Variants in HTT observed in about 807,000 individuals in gnomAD.
HTT encodes the protein huntington disease protein.
HTT carries 104 observed loss-of-function variants against 362.3 expected under a neutral mutation model. The observed-to-expected ratio is 0.29, with a 90% CI of 0.24 to 0.34. The LOEUF (loss-of-function observed/expected upper bound fraction) is 0.34, where lower values mean the gene tolerates loss of function less well. Among genes scored for constraint, HTT ranks in the 10% least tolerant of loss-of-function variants. HTT has a pLI of 1.00. For missense variants in HTT, 3,301 were observed against 3,928.6 expected (o/e 0.84, Z 4.27); for synonymous variants, 1,577 against 1,548.7 (o/e 1.02, Z -0.43).
Position 3,208,869 on chromosome 4 carries a change from C to T in HTT, c.6249C>T (p.Asp2083=), listed in dbSNP as rs758938678. The T allele has an allele frequency of 1.7e-5, 28 of 1,613,866 alleles. No homozygotes were observed. The highest frequency in any genetic ancestry group is 4.4e-5 in the South Asian group (4 of 91,064). ...PSPPVSSHPL[D]GDGHVSLETV... is the part of the protein sequence containing the mutation. ...CTCCAGTCTCTTCCCACCCGCTGGA[C>T]GGGGATGGGCACGTGTCACTGGAAA... Residue 2083 remains aspartate (D), a synonymous_variant, in exon 46 of 67, where the codon GAC becomes GAT. Coordinates refer to ENST00000355072, the MANE Select transcript of HTT (RefSeq NM_001388492.1).
intron 60 of HTT, among the ~76,000 whole-genome samples, chr4:3,232,894 G>A (rs959111376): frequency 2.0e-5 from 3 of 152,232 alleles, no homozygotes; most frequent in South Asian, 2.1e-4. Flanking sequence ...CTGGACTCCC[G>A]GAGGGAAGGC....
At position 3,121,400 on chromosome 4, in the gene HTT, G is replaced by A. The variant is rs754376057; in HGVS notation, c.1241G>A (p.Arg414Gln). The change falls in exon 9 of 67, where the codon CGA becomes CAA. Residue 414 changes from arginine to glutamine, a missense_variant. Physicochemically the swap from Arg to Gln is conservative, Grantham distance 43. Transcript: ENST00000355072. ...LTAAKEESGG[R>Q]SRSGSIVELI... ...GCTGCTAAGGAGGAGTCTGGTGGCC[G>A]AAGCCGTAGTGGGAGTATTGTGGAA... The A allele has an allele frequency of 6.8e-6, 11 of 1,614,078 alleles. No individual in the cohort carries two copies. The highest frequency in any genetic ancestry group is 3.3e-5 in the South Asian group (3 of 91,078).
intron 29 of HTT, among the ~76,000 whole-genome samples, chr4:3,166,651 A>T (rs1373129498): frequency 6.6e-6 from 1 of 152,020 alleles, no homozygotes; most frequent in East Asian, 1.9e-4. Context: ...AGTGGTGGAC[A>T]CCCCTCCCCC....
At chr4:3,212,927 G>T in intron 49 of HTT, 1 of 551,334 alleles carries the variant, frequency 1.8e-6, no homozygotes. Flanking sequence ...GGTCAGCCAG[G>T]TCCCCTTCTC....
intron 16 of HTT, 61 bp downstream of exon 16, chr4:3,131,836 A>C: frequency 6.6e-7 from 1 of 1,506,416 alleles, no homozygotes; most frequent in Non-Finnish European, 9.1e-7. Context: ...AAACTATTTC[A>C]GTATTGACTA....
chr4:3,171,983 G>A (rs1718002854), intron 29 of HTT, among the ~76,000 whole-genome samples: 1 of 152,158 alleles, frequency 6.6e-6, no homozygotes, highest in South Asian at 2.1e-4. Flanking sequence ...CTCTACAGAT[G>A]CAGGGCTCTT....
chr4:3,221,723 C>T (rs1282313728), intron 53 of HTT, among the ~76,000 whole-genome samples: 1 of 152,200 alleles, frequency 6.6e-6, no homozygotes, highest in Non-Finnish European at 1.5e-5. Context: ...CTGTCAGAAA[C>T]AACTGTTCGT....
chr4:3,170,282 T>G (rs561773554), intron 29 of HTT, among the ~76,000 whole-genome samples: 1 of 152,360 alleles, frequency 6.6e-6, no homozygotes, highest in Non-Finnish European at 1.5e-5. Context: ...GGAGCAGTGC[T>G]TAGTTTAGGA....
chr4:3,214,666 T>G (rs1330661555), intron 50 of HTT, among the ~76,000 whole-genome samples: 2 of 152,114 alleles, frequency 1.3e-5, no homozygotes, highest in Non-Finnish European at 2.9e-5. Context: ...TTTGAAGCTT[T>G]GTATTTTTAA....
intron 2 of HTT, among the ~76,000 whole-genome samples, chr4:3,095,043 C>G (rs1216606645): frequency 6.6e-6 from 1 of 150,840 alleles, no homozygotes; most frequent in Non-Finnish European, 1.5e-5. Flanking sequence ...ACTTCCCAGA[C>G]TGGGCAGCCA....
intron 39 of HTT, 40 bp from the exon 40 acceptor site, chr4:3,188,911 A>G: frequency 3.1e-6 from 5 of 1,598,678 alleles, no homozygotes; most frequent in Non-Finnish European, 4.3e-6. Context: ...GCTTTATAGT[A>G]GTCACCTAAT....
intron 49 of HTT, 152 bp from the exon 50 acceptor site, chr4:3,213,806 G>A (rs1181315851): frequency 1.1e-5 from 6 of 556,996 alleles, no homozygotes; most frequent in Non-Finnish European, 1.5e-5. Flanking sequence ...TGAATGTAAT[G>A]GAGCCATGTC....
Position 3,235,373 on chromosome 4 carries a change from C to T in HTT, c.8546C>T (p.Pro2849Leu), listed in dbSNP as rs144891713. ...LIENYPLDVGPEFSASIIQMC... is the reference protein window; with the variant it reads ...LIENYPLDVGLEFSASIIQMC... Reference sequence around the variant, plus strand: ...GAGAACTATCCTCTGGACGTAGGGCCGGAATTTTCAGCATCAATAATACAG... The same window carrying T: ...GAGAACTATCCTCTGGACGTAGGGCTGGAATTTTCAGCATCAATAATACAG... Residue 2849 changes from proline (P) to leucine (L), a missense_variant, in exon 62 of 67, where the codon CCG becomes CTG. Physicochemically the swap from Pro to Leu is moderately conservative, Grantham distance 98 (BLOSUM62 -3). Coordinates refer to ENST00000355072, the MANE Select transcript of HTT (RefSeq NM_001388492.1). 136 of 1,612,734 alleles carry T rather than the reference C, an allele frequency of 8.4e-5. No homozygotes were observed. Among genetic ancestry groups the T allele is most frequent in the Non-Finnish European group, 1.1e-4 (129 of 1,178,710 alleles).
rs770543485 is a variant in HTT at position 3,235,681 on chromosome 4, A to G, written c.8688A>G (p.Ala2896=). 6.2e-7 allele frequency: 1 copy of G among 1,613,674 alleles called. No individual in the cohort carries two copies. The highest frequency in any genetic ancestry group is 8.5e-7 in the Non-Finnish European group (1 of 1,180,032). The part of the protein sequence containing the change: ...LLSEQLSRLD[A]ESLVKLSVDR... ...CTGAGCAGCTCTCCCGCCTGGATGC[A>G]GAATCGCTGGTCAAGCTGAGTGTGG... is the stretch of plus-strand genomic sequence containing the variant. Residue 2896 remains alanine, a synonymous_variant, in exon 63 of 67, where the codon GCA becomes GCG. Transcript: ENST00000355072.
At chr4:3,182,296 G>A (rs1258222717) in intron 36 of HTT, 58 bp from the exon 37 acceptor site, 7 of 1,046,990 alleles carry the variant, frequency 6.7e-6, no homozygotes, top group Non-Finnish European at 1.0e-5. Context: ...AGACGGACAC[G>A]TAGGGGTGGA....
chr4:3,174,212 G>A (rs1173073043), intron 31 of HTT, among the ~76,000 whole-genome samples: 1 of 152,178 alleles, frequency 6.6e-6, no homozygotes, highest in African/African-American at 2.4e-5. Context: ...ATATATTGGA[G>A]TTTCAGGAGT....
chr4:3,158,899 T>G (rs1411968073), intron 28 of HTT, among the ~76,000 whole-genome samples: 1 of 152,066 alleles, frequency 6.6e-6, no homozygotes. Flanking sequence ...TCCTAGTGCT[T>G]GCTATCTGTT....
At position 3,130,062 on chromosome 4, in the gene HTT, G is replaced by C. The variant is rs746059906; in HGVS notation, c.1867+15G>C. 11 of 1,581,756 alleles carry C rather than the reference G, an allele frequency of 7.0e-6. No homozygotes were observed. The highest frequency in any genetic ancestry group is 9.4e-6 in the Non-Finnish European group (11 of 1,167,182). ...CTCTTCCATGGGTATGTGGACTACAGGTGATGCGCTACAAAGTGGTTTGTA... is the reference window on the plus strand; with the variant it reads ...CTCTTCCATGGGTATGTGGACTACACGTGATGCGCTACAAAGTGGTTTGTA... On this transcript the variant is annotated intron_variant, in intron 13 of 66. Coordinates refer to ENST00000355072, the MANE Select transcript of HTT (RefSeq NM_001388492.1).
intron 18 of HTT, 71 bp downstream of exon 18, chr4:3,132,982 G>T: frequency 3.6e-6 from 4 of 1,120,766 alleles, no homozygotes; most frequent in Non-Finnish European, 5.5e-6. Context: ...ATTAAAATTG[G>T]AGCTTAATAG....
Sources: gnomAD v4.1 joint callset for allele counts (sites outside exome capture counted in the v4.1 genomes callset) on GRCh38, gnomAD v4.1.1 for gene constraint, MANE v1.5 for transcripts, NCBI Gene and HGNC (gene_info 2026-07-23, HGNC 2026-07-21) for gene names.